The following TAFA4 variants were observed in gnomAD, a reference collection of about 807,000 sequenced individuals.
TAFA4 encodes the protein TAFA chemokine like family member 4.
Under a neutral mutation model 21.1 loss-of-function variants are expected in TAFA4, and 20 were observed. The ratio of observed to expected loss-of-function variants is 0.95; its 90% confidence interval spans 0.67 to 1.38. The LOEUF is 1.38. Among genes scored for constraint, TAFA4 ranks in the 40% most tolerant of loss-of-function variants. The probability of loss-of-function intolerance (pLI) is 0.00; values close to 1 mark genes in which losing one functional copy is unlikely to be tolerated. For missense variants in TAFA4, 211 were observed against 180.9 expected, an observed-to-expected ratio of 1.17 and a Z score of -0.95; for synonymous variants, 71 against 67.4, an observed-to-expected ratio of 1.05 and a Z score of -0.26.
chr3:68,760,018 C>T (rs1272662247), intron 3 of TAFA4, among the ~76,000 whole-genome samples: 2 of 152,044 alleles, frequency 1.3e-5, no homozygotes, highest in South Asian at 2.1e-4. Flanking sequence ...AACTGTTACT[C>T]GATTCCTTTC....
chr3:68,889,832 T>C (rs925537083), intron 1 of TAFA4, among the ~76,000 whole-genome samples: 1 of 152,142 alleles, frequency 6.6e-6, no homozygotes, highest in African/African-American at 2.4e-5. Context: ...GCAAGAAACA[T>C]GGCAACCAAA....
chr3:68,762,029 G>A (rs181704956), intron 3 of TAFA4, among the ~76,000 whole-genome samples: 25 of 152,020 alleles, frequency 1.6e-4, no homozygotes, highest in Admixed American at 3.3e-4. Flanking sequence ...TTTAAGTCTG[G>A]AGTTCAAGAG....
intron 1 of TAFA4, among the ~76,000 whole-genome samples, chr3:68,896,004 T>C (rs1399274197): frequency 3.3e-5 from 5 of 152,096 alleles, no homozygotes; most frequent in African/African-American, 1.2e-4. Flanking sequence ...AATGTGACTT[T>C]CCAAGGGAAG....
intron 3 of TAFA4, among the ~76,000 whole-genome samples, chr3:68,869,321 A>C (rs1343676788): frequency 6.6e-6 from 1 of 151,712 alleles, no homozygotes; most frequent in Non-Finnish European, 1.5e-5. Context: ...CAAACTATTC[A>C]AAAAAATGAA....
Position 68,885,324 on chromosome 3 carries a change from G to C in TAFA4, c.-122-14C>G. The C allele has an allele frequency of 1.6e-6, 1 of 626,810 alleles. No individual in the cohort carries two copies. Among genetic ancestry groups the C allele is most frequent in the South Asian group, 2.7e-5 (1 of 36,754 alleles). 38.8% of individuals were successfully genotyped at this position (626,810 alleles called of 1,614,324 possible). Reference sequence around the variant, plus strand: ...AGCTCAGAAGACCTATGTTAAAAAGGCCAAAAAAAAAAAAGGAATCAATTA... The same window carrying C: ...AGCTCAGAAGACCTATGTTAAAAAGCCCAAAAAAAAAAAAGGAATCAATTA... On this transcript the variant is annotated splice_polypyrimidine_tract_variant and intron_variant, in intron 1 of 5. Coordinates refer to ENST00000295569, the MANE Select transcript of TAFA4 (RefSeq NM_182522.5).
chr3:68,884,556 G>A (rs1314060891), intron 2 of TAFA4, among the ~76,000 whole-genome samples: 2 of 152,196 alleles, frequency 1.3e-5, no homozygotes, highest in African/African-American at 2.4e-5. Flanking sequence ...CCCATCATAT[G>A]TATAACCAGT....
chr3:68,917,038 C>T (rs143144304), intron 1 of TAFA4, among the ~76,000 whole-genome samples: 19 of 152,262 alleles, frequency 1.2e-4, no homozygotes, highest in African/African-American at 2.9e-4. Flanking sequence ...ATGTGACGTA[C>T]GTAGCTAGCA....
chr3:68,743,997 T>C (rs1702405876), intron 4 of TAFA4, among the ~76,000 whole-genome samples: 1 of 152,210 alleles, frequency 6.6e-6, no homozygotes, highest in African/African-American at 2.4e-5. Context: ...CAGACCTCAA[T>C]TTAAAATACC....
intron 3 of TAFA4, among the ~76,000 whole-genome samples, chr3:68,807,562 T>G (rs999683150): frequency 7.4e-6 from 1 of 135,342 alleles, no homozygotes; most frequent in African/African-American, 3.2e-5. Flanking sequence ...TCACTACTCT[T>G]AATGATCTGC....
At chr3:68,891,193 T>C (rs2089726850) in intron 1 of TAFA4, among the ~76,000 whole-genome samples, 1 of 152,230 alleles carries the variant, frequency 6.6e-6, no homozygotes, top group African/African-American at 2.4e-5. Flanking sequence ...TTGATTTCTA[T>C]GAAGGAATTC....
intron 3 of TAFA4, among the ~76,000 whole-genome samples, chr3:68,772,104 G>C (rs867299340): frequency 4.6e-5 from 7 of 152,094 alleles, no homozygotes; most frequent in South Asian, 4.2e-4. Context: ...TTGAAATTCA[G>C]GGATGACATA....
At chr3:68,803,075 C>G (rs1461063842) in intron 3 of TAFA4, among the ~76,000 whole-genome samples, 2 of 152,136 alleles carry the variant, frequency 1.3e-5, no homozygotes, top group Non-Finnish European at 2.9e-5. Flanking sequence ...CCAAAATGAT[C>G]TCTACTGAAA....
At chr3:68,903,723 T>C (rs1271792713) in intron 1 of TAFA4, among the ~76,000 whole-genome samples, 1 of 152,104 alleles carries the variant, frequency 6.6e-6, no homozygotes, top group East Asian at 1.9e-4. Context: ...GTCACAGGGG[T>C]TTGATGTACA....
intron 4 of TAFA4, among the ~76,000 whole-genome samples, chr3:68,750,968 G>T (rs1033340750): frequency 6.6e-6 from 1 of 152,138 alleles, no homozygotes; most frequent in African/African-American, 2.4e-5. Flanking sequence ...GAAGGCATAC[G>T]TTTTTACAAT....
chr3:68,783,745 G>GAAAGAAAGAAAGAAAA lies in TAFA4; in HGVS notation c.131-30728_131-30727insTTTTCTTTCTTTCTTT, dbSNP rs1355228496. On this transcript the variant is annotated intron_variant, in intron 3 of 5. Transcript: ENST00000295569. ...AGAAAGAAAGAAAGAAAGAAAGAAA[G>GAAAGAAAGAAAGAAAA]TAAGAAAGAAAGAAACAAAAACAAA... Among the ~76,000 whole-genome samples the GAAAGAAAGAAAGAAAA allele has an allele frequency of 5.6e-3, 535 of 95,834 alleles. 9 individuals are homozygous for GAAAGAAAGAAAGAAAA. The highest frequency in any genetic ancestry group is 0.016 in the African/African-American group (505 of 31,798). 62.9% of individuals were successfully genotyped at this position (95,834 alleles called of 152,430 possible).
intron 4 of TAFA4, among the ~76,000 whole-genome samples, chr3:68,747,886 G>C (rs1369117584): frequency 6.6e-6 from 1 of 152,118 alleles, no homozygotes; most frequent in Non-Finnish European, 1.5e-5. Context: ...CTCACATCAA[G>C]GGTCCTTTTA....
chr3:68,849,728 T>C lies in TAFA4; in HGVS notation c.130+31002A>G, dbSNP rs138366544. ...TGAAGTTTTGGAGTGGTTGCTTACA[T>C]AGCAATGAAACACTGAACACCAGCC... On this transcript the variant is annotated intron_variant, in intron 3 of 5. Coordinates refer to ENST00000295569, the MANE Select transcript of TAFA4 (RefSeq NM_182522.5). 9.6e-4 allele frequency among the ~76,000 whole-genome samples: 146 copies of C among 152,282 alleles called. 1 individual carries two copies. The highest frequency in any genetic ancestry group is 3.4e-3 in the African/African-American group (143 of 41,552).
At chr3:68,907,433 G>A (rs2089912915) in intron 1 of TAFA4, among the ~76,000 whole-genome samples, 1 of 152,164 alleles carries the variant, frequency 6.6e-6, no homozygotes, top group African/African-American at 2.4e-5. Flanking sequence ...GCTGAACCCG[G>A]CAGAAAATGC....
chr3:68,806,244 A>AG, intron 3 of TAFA4, among the ~76,000 whole-genome samples: 1 of 152,308 alleles, frequency 6.6e-6, no homozygotes, highest in African/African-American at 2.4e-5. Context: ...TTAAGTAAGG[A>AG]GAAAAAATAG....
Sources: allele counts gnomAD v4.1 joint callset (sites outside exome capture counted in the v4.1 genomes callset), GRCh38; gene constraint gnomAD v4.1.1; transcripts MANE v1.5; gene names NCBI Gene and HGNC (gene_info 2026-07-23, HGNC 2026-07-21).